Variants in TSHZ3 observed in about 807,000 individuals in gnomAD.
The protein encoded by TSHZ3 is teashirt zinc finger homeobox 3.
A neutral mutation model predicts 64.5 loss-of-function variants in TSHZ3; 10 were observed. The ratio of observed to expected loss-of-function variants is 0.16; its 90% CI spans 0.10 to 0.26. The LOEUF (loss-of-function observed/expected upper bound fraction) is 0.26. Among genes scored for constraint, TSHZ3 ranks in the 10% least tolerant of loss-of-function variants. The pLI, the probability that TSHZ3 is intolerant of heterozygous loss-of-function variation, is 1.00. For synonymous variants in TSHZ3, 608 were observed against 593.1 expected (o/e 1.03, Z -0.36); for missense variants, 1,242 against 1,421.7 (o/e 0.87, Z 2.03).
At chr19:31,170,059 G>A (rs182455990) in intron 5 of TSHZ3, among the ~76,000 whole-genome samples, 7 of 152,318 alleles carry the variant, frequency 4.6e-5, no homozygotes, top group Admixed American at 1.3e-4. Context: ...TGAAAGCCAT[G>A]GAGCCTCACT....
At chr19:31,235,691 C>A (rs577332773) in intron 3 of TSHZ3, among the ~76,000 whole-genome samples, 3 of 101,208 alleles carry the variant, frequency 3.0e-5, no homozygotes, top group Non-Finnish European at 6.2e-5. Context: ...CTTTCTTCTC[C>A]TCTTCTTCTT....
chr19:31,163,739 C>G (rs1387366628), intron 5 of TSHZ3, among the ~76,000 whole-genome samples: 4 of 152,084 alleles, frequency 2.6e-5, no homozygotes, highest in Admixed American at 6.5e-5. Flanking sequence ...TCGAAACAAA[C>G]AAAGAACAAG....
intron 1 of TSHZ3, among the ~76,000 whole-genome samples, chr19:31,330,601 G>A (rs893286121): frequency 1.3e-5 from 2 of 152,088 alleles, no homozygotes; most frequent in Non-Finnish European, 2.9e-5. Context: ...AGGGAATGGC[G>A]GGGTGCAAAA....
chr19:31,269,909 A>G (rs145759147), intron 1 of TSHZ3, among the ~76,000 whole-genome samples: 2,046 of 152,314 alleles, frequency 0.013, 45 homozygotes, highest in African/African-American at 0.047. Context: ...GTACCCCCGC[A>G]TGGAGGCTGA....
chr19:31,172,336 G>A (rs1974547090), intron 5 of TSHZ3, among the ~76,000 whole-genome samples: 1 of 152,196 alleles, frequency 6.6e-6, no homozygotes, highest in Non-Finnish European at 1.5e-5. Context: ...GAAATGTACA[G>A]AGAAAATCAG....
intron 1 of TSHZ3, chr19:31,305,675 TAAAG>T (rs1916271811): frequency 6.6e-6 from 1 of 152,096 alleles, no homozygotes; most frequent in Non-Finnish European, 1.5e-5. Context: ...AGCATGGTGA[TAAAG>T]AGAGGAAAAC....
chr19:31,250,696 C>A (rs1429095682), intron 1 of TSHZ3, among the ~76,000 whole-genome samples: 1 of 152,180 alleles, frequency 6.6e-6, no homozygotes. Flanking sequence ...TGTGTCAGTT[C>A]ATTTGCAGAA....
Position 31,277,904 on chromosome 19 carries a change from T to C in TSHZ3, c.1889A>G (p.Glu630Gly). 6.2e-7 allele frequency: 1 copy of C among 1,613,864 alleles called. No individual in the cohort carries two copies. Among genetic ancestry groups the C allele is most frequent in the Non-Finnish European group, 8.5e-7 (1 of 1,179,916 alleles). ...GGGCGGGGAAAGCTTCCCATCCGGCTCCTTCATCTTCTCCTCCACTTTGGC... is the reference window on the plus strand; with the variant it reads ...GGGCGGGGAAAGCTTCCCATCCGGCCCCTTCATCTTCTCCTCCACTTTGGC... ...KVAKVEEKMK[E>G]PDGKLSPPKR... The change falls in exon 2 of 2, where the codon GAG becomes GGG. Residue 630 changes from glutamate to glycine, a missense_variant. Physicochemically the swap from Glu to Gly is moderately conservative, Grantham distance 98. Around this residue, in one of 4 missense-constraint regions of TSHZ3, gnomAD observed 550 missense variants for 545.1 expected, o/e 1.01. Coordinates refer to ENST00000240587, the MANE Select transcript of TSHZ3 (RefSeq NM_020856.4). The surrounding 1 kb of genome is among the most constrained non-coding windows in gnomAD (Gnocchi z 4.5).
chr19:31,170,530 G>C (rs1974522796), intron 5 of TSHZ3, among the ~76,000 whole-genome samples: 1 of 152,186 alleles, frequency 6.6e-6, no homozygotes, highest in African/African-American at 2.4e-5. Flanking sequence ...TGCAGCTAAA[G>C]AGAGCATCCC....
At chr19:31,190,520 A>G (rs1170974607) in intron 5 of TSHZ3, among the ~76,000 whole-genome samples, 1 of 152,192 alleles carries the variant, frequency 6.6e-6, no homozygotes, top group Non-Finnish European at 1.5e-5. Flanking sequence ...GCCTAAAAAC[A>G]AATCCTAACA....
chr19:31,205,352 G>A (rs1975151760), intron 4 of TSHZ3, among the ~76,000 whole-genome samples: 1 of 152,126 alleles, frequency 6.6e-6, no homozygotes, highest in African/African-American at 2.4e-5. Context: ...TTCCTTTCCT[G>A]CCCCTTTTTT....
intron 5 of TSHZ3, among the ~76,000 whole-genome samples, chr19:31,161,294 G>C (rs1389467993): frequency 6.6e-6 from 1 of 152,220 alleles, no homozygotes; most frequent in East Asian, 1.9e-4. Flanking sequence ...CCAGTATTAA[G>C]GAGCACACAC....
Position 31,276,631 on chromosome 19 carries a change from G to C in TSHZ3, c.3162C>G (p.His1054Gln). Residue 1054 changes from histidine to glutamine, a missense_variant, in exon 2 of 2, where the codon CAC (histidine) becomes CAG (glutamine). Physicochemically the swap from His to Gln is conservative, Grantham distance 24. Coordinates refer to ENST00000240587, the MANE Select transcript of TSHZ3 (RefSeq NM_020856.4). Reference protein sequence around the residue: ...KLCNRTFASKHAVKLHLSKTH... With the variant: ...KLCNRTFASKQAVKLHLSKTH... Reference sequence around the variant, plus strand: ...TTTTGCTAAGGTGAAGTTTAACAGCGTGCTTGCTGGCAAAGGTCCGATTGC... The same window carrying C: ...TTTTGCTAAGGTGAAGTTTAACAGCCTGCTTGCTGGCAAAGGTCCGATTGC... 6.2e-7 allele frequency: 1 copy of C among 1,611,294 alleles called. No homozygotes were observed. Among genetic ancestry groups the C allele is most frequent in the Non-Finnish European group, 8.5e-7 (1 of 1,177,706 alleles).
At chr19:31,342,841 A>G (rs1004068552) in intron 1 of TSHZ3, among the ~76,000 whole-genome samples, 1 of 152,258 alleles carries the variant, frequency 6.6e-6, no homozygotes, top group Admixed American at 6.5e-5. Context: ...GAGGAAAAAG[A>G]AGAAACACAG....
In TSHZ3 at chr19:31,189,961, C is replaced by A. The variant is rs531668352; in HGVS notation, n.809+14995G>T. On this transcript the variant is annotated intron_variant and non_coding_transcript_variant, in intron 5 of 6. Coordinates refer to the TSHZ3 transcript ENST00000651361. Reference sequence around the variant, plus strand: ...CCATTTATCATCAAAAAATGACCTTCTTAATACAAGTAATAGCCTTTTCTC... The same window carrying A: ...CCATTTATCATCAAAAAATGACCTTATTAATACAAGTAATAGCCTTTTCTC... Among the ~76,000 whole-genome samples, 36 of 152,246 alleles carry A rather than the reference C, an allele frequency of 2.4e-4. 1 individual carries two copies. The South Asian group carries it at 7.1e-3, about 30-fold the overall frequency.
At chr19:31,154,884 G>C (rs1974285449) in intron 6 of TSHZ3, among the ~76,000 whole-genome samples, 1 of 152,204 alleles carries the variant, frequency 6.6e-6, no homozygotes, top group Non-Finnish European at 1.5e-5. Flanking sequence ...TCTATCATAA[G>C]GGCCAGGACC....
intron 1 of TSHZ3, among the ~76,000 whole-genome samples, chr19:31,293,418 C>G (rs1056076951): frequency 1.3e-5 from 2 of 152,158 alleles, no homozygotes; most frequent in African/African-American, 4.8e-5. Flanking sequence ...TCCACTGCCC[C>G]CTCCACACAC....
Position 31,278,474 on chromosome 19 carries a change from T to G in TSHZ3, c.1319A>C (p.Glu440Ala). ...VTPTITTLLD[E>A]KVQSVPLAAT... ...TGCCAGGGGCACGGACTGGACCTTC[T>G]CATCCAGCAGGGTTGTGATGGTAGG... The change falls in exon 2 of 2, where the codon GAG becomes GCG. Residue 440 changes from glutamate (E) to alanine (A), a missense_variant. Physicochemically the swap from Glu to Ala is moderately radical, Grantham distance 107 (BLOSUM62 -1). This residue lies in a region of TSHZ3 where 555 missense variants were observed against 704.0 expected (regional missense o/e 0.79). Coordinates refer to ENST00000240587, the MANE Select transcript of TSHZ3 (RefSeq NM_020856.4). This position sits in a 1 kb window ranked among gnomAD's most constrained non-coding sequence, Gnocchi z 4.7. 1 of 1,614,170 alleles carries G rather than the reference T, an allele frequency of 6.2e-7. No homozygotes were observed. The highest frequency in any genetic ancestry group is 1.1e-5 in the South Asian group (1 of 91,080).
chr19:31,234,353 T>TTTTAAA (rs1175959280), intron 3 of TSHZ3, among the ~76,000 whole-genome samples: 2 of 152,226 alleles, frequency 1.3e-5, no homozygotes, highest in Non-Finnish European at 2.9e-5. Context: ...TTTCTCTCCT[T>TTTTAAA]TTTAAATTCG....
Sources: gnomAD v4.1 joint callset for allele counts (sites outside exome capture counted in the v4.1 genomes callset) on GRCh38, gnomAD v4.1.1 for gene constraint, gnomAD v4.1.1 regional missense constraint, Gnocchi (gnomAD v3.1) non-coding constraint, MANE v1.5 for transcripts, NCBI Gene and HGNC (gene_info 2026-07-23, HGNC 2026-07-21) for gene names.